Variants in STAG1 observed in about 807,000 individuals in gnomAD.
STAG1 encodes STAG1 cohesin complex component.
A neutral mutation model predicts 170.9 loss-of-function variants in STAG1; 26 were observed. That is an observed-to-expected ratio of 0.15 (90% CI 0.11 to 0.21). The LOEUF is 0.21. STAG1 is among the 10% of genes least tolerant of loss of function. The pLI, the probability that STAG1 is intolerant of heterozygous loss-of-function variation, is 1.00. For missense variants in STAG1, 964 were observed against 1,509.5 expected (o/e 0.64, Z 5.99); for synonymous variants, 514 against 497.7 (o/e 1.03, Z -0.44).
intron 12 of STAG1, among the ~76,000 whole-genome samples, chr3:136,465,270 A>G (rs2089419756): frequency 7.2e-6 from 1 of 139,330 alleles, no homozygotes; most frequent in Admixed American, 7.8e-5. Flanking sequence ...ACTAGGCTGG[A>G]GTACAACACC....
intron 22 of STAG1, among the ~76,000 whole-genome samples, chr3:136,392,582 C>T (rs943383694): frequency 8.6e-5 from 13 of 151,794 alleles, no homozygotes; most frequent in Admixed American, 4.6e-4. Context: ...CTGGCTAACA[C>T]GGTGAAACCC....
chr3:136,694,079 G>C (rs1942807832), intron 1 of STAG1, among the ~76,000 whole-genome samples: 1 of 152,200 alleles, frequency 6.6e-6, no homozygotes, highest in Admixed American at 6.5e-5. Context: ...ACCACCTGGA[G>C]TCTGTTATAA....
rs1463613398 is a variant in STAG1 at position 136,551,198 on chromosome 3, TGAGAGAGAGTGAGAGA to T, written c.395-9019_395-9004del. 7.9e-4 allele frequency among the ~76,000 whole-genome samples: 34 copies of T among 43,130 alleles called. 1 individual carries two copies. Among genetic ancestry groups the T allele is most frequent in the African/African-American group, 2.8e-3 (24 of 8,532 alleles). The allele number at this position is 43,130 out of a possible 152,430, so 28.3% of individuals were successfully genotyped here. A position where few individuals can be genotyped will look rare whatever the true frequency, so the allele number is the denominator to read the frequency against. ...TTTTTTTTGAGAGAGAGAGAGAGGTTGAGAGAGAGTGAGAGAGAGAGAGAGAGAGAGAGAGAGAGAG... is the reference window on the plus strand; with the variant it reads ...TTTTTTTTGAGAGAGAGAGAGAGGTTGAGAGAGAGAGAGAGAGAGAGAGAG... On this transcript the variant is annotated intron_variant, in intron 5 of 33. Coordinates refer to ENST00000383202, the MANE Select transcript of STAG1 (RefSeq NM_005862.3).
chr3:136,573,698 C>T (rs2107768420), intron 4 of STAG1, among the ~76,000 whole-genome samples: 1 of 152,216 alleles, frequency 6.6e-6, no homozygotes, highest in South Asian at 2.1e-4. Context: ...ACTGGCCGGG[C>T]ATGGTGGCTC....
intron 1 of STAG1, among the ~76,000 whole-genome samples, chr3:136,637,255 G>T (rs1355820540): frequency 6.6e-6 from 1 of 152,116 alleles, no homozygotes; most frequent in Non-Finnish European, 1.5e-5. Flanking sequence ...TGAACAAAAA[G>T]AATGCCAAAA....
chr3:136,579,699 AC>A (rs1937549654), intron 4 of STAG1, among the ~76,000 whole-genome samples: 1 of 152,276 alleles, frequency 6.6e-6, no homozygotes, highest in East Asian at 1.9e-4. Context: ...TGAGGTGTCC[AC>A]CAGGCTCTGA....
intron 32 of STAG1, 68 bp from the exon 33 acceptor site, chr3:136,338,518 C>G (rs1232732144): frequency 1.7e-6 from 2 of 1,154,662 alleles, no homozygotes; most frequent in Non-Finnish European, 2.6e-6. Context: ...TGATAATCAG[C>G]TAATATTTCT....
intron 1 of STAG1, among the ~76,000 whole-genome samples, chr3:136,716,971 T>C (rs1207407612): frequency 6.6e-6 from 1 of 152,254 alleles, no homozygotes; most frequent in Admixed American, 6.5e-5. Flanking sequence ...TGGTTTGGAA[T>C]GATAACAACA....
At position 136,544,087 on chromosome 3, in the gene STAG1, T is replaced by C. The variant is rs143164882; in HGVS notation, c.395-1892A>G. Among the ~76,000 whole-genome samples, 11 of 152,236 alleles carry C rather than the reference T, an allele frequency of 7.2e-5. No homozygotes were observed. The East Asian group carries it at 1.7e-3, about 24-fold the overall frequency. ...GAGGTTTTCCCATCACCTAGACCTA[T>C]AGCATCCACCTCCAGAGTAGACATA... On this transcript the variant is annotated intron_variant, in intron 5 of 33. Transcript: ENST00000383202.
At chr3:136,506,347 C>T (rs962584986) in intron 7 of STAG1, among the ~76,000 whole-genome samples, 2 of 151,770 alleles carry the variant, frequency 1.3e-5, no homozygotes, top group African/African-American at 4.8e-5. Flanking sequence ...TTGAAAATAC[C>T]AGGCCAGGCG....
chr3:136,476,788 A>T (rs1355609926), intron 10 of STAG1, among the ~76,000 whole-genome samples: 1 of 152,136 alleles, frequency 6.6e-6, no homozygotes, highest in Non-Finnish European at 1.5e-5. Flanking sequence ...ACCCATGGTT[A>T]TTCTAAGGAT....
intron 26 of STAG1, among the ~76,000 whole-genome samples, chr3:136,362,984 T>C (rs192527216): frequency 6.6e-6 from 1 of 152,276 alleles, no homozygotes; most frequent in Admixed American, 6.5e-5. Context: ...TCATTTTAAA[T>C]TACTAAGCAT....
intron 21 of STAG1, among the ~76,000 whole-genome samples, chr3:136,410,698 G>A (rs756578280): frequency 2.6e-5 from 4 of 152,192 alleles, no homozygotes; most frequent in African/African-American, 9.6e-5. Flanking sequence ...AAATACACCA[G>A]CCTGGTGGCT....
intron 1 of STAG1, among the ~76,000 whole-genome samples, chr3:136,698,828 G>A (rs962649773): frequency 1.2e-4 from 18 of 152,122 alleles, no homozygotes; most frequent in African/African-American, 4.3e-4. Flanking sequence ...CAACCAATGA[G>A]TGGATGAAAT....
At chr3:136,485,884 A>G (rs1311671273) in intron 9 of STAG1, among the ~76,000 whole-genome samples, 1 of 152,230 alleles carries the variant, frequency 6.6e-6, no homozygotes, top group Admixed American at 6.5e-5. Context: ...TCCTTTCTAT[A>G]AACAATTATA....
At chr3:136,441,317 GCCA>G (rs2088625525) in intron 15 of STAG1, among the ~76,000 whole-genome samples, 1 of 152,162 alleles carries the variant, frequency 6.6e-6, no homozygotes, top group Non-Finnish European at 1.5e-5. Context: ...ACAGGCGTGA[GCCA>G]CCACACCTGG....
At chr3:136,629,826 G>A (rs775290705) in intron 2 of STAG1, among the ~76,000 whole-genome samples, 5 of 152,058 alleles carry the variant, frequency 3.3e-5, no homozygotes, top group Non-Finnish European at 7.3e-5. Flanking sequence ...GCAGATTCCC[G>A]ACTTGCATCA....
At chr3:136,396,380 G>A (rs2108336673) in intron 22 of STAG1, among the ~76,000 whole-genome samples, 1 of 150,730 alleles carries the variant, frequency 6.6e-6, no homozygotes, top group South Asian at 2.1e-4. Flanking sequence ...ACCACGCCCG[G>A]CTAATTTTTT....
intron 6 of STAG1, among the ~76,000 whole-genome samples, chr3:136,528,255 T>C (rs1935169814): frequency 6.6e-6 from 1 of 152,154 alleles, no homozygotes; most frequent in Non-Finnish European, 1.5e-5. Context: ...CTGGCTGCTA[T>C]GTTTACCTAC....
Sources: allele counts gnomAD v4.1 joint callset (sites outside exome capture counted in the v4.1 genomes callset), GRCh38; gene constraint gnomAD v4.1.1; transcripts MANE v1.5; gene names NCBI Gene and HGNC (gene_info 2026-07-23, HGNC 2026-07-21).